Variants in CENPE observed in about 807,000 individuals in gnomAD.
The protein encoded by CENPE is centromere protein E.
CENPE carries 145 observed loss-of-function variants against 336.1 expected under a neutral mutation model. That is an observed-to-expected ratio of 0.43 (90% CI 0.38 to 0.50). CENPE has a LOEUF of 0.50. CENPE is among the 20% of genes least tolerant of loss of function. The pLI is 0.00. For synonymous variants in CENPE, 1,013 were observed against 984.8 expected (o/e 1.03, Z -0.54); for missense variants, 2,719 against 3,023.3 (o/e 0.90, Z 2.36).
chr4:103,185,880 T>C lies in CENPE; in HGVS notation c.694-19A>G. On this transcript the variant is annotated intron_variant, in intron 8 of 48. Coordinates refer to ENST00000265148, the MANE Select transcript of CENPE (RefSeq NM_001813.3). Reference sequence around the variant, plus strand: ...CCAAATTCTGTAAGATAGATAAAAATAAATCCTTAGGGCAGATAATTTGAA... The same window carrying C: ...CCAAATTCTGTAAGATAGATAAAAACAAATCCTTAGGGCAGATAATTTGAA... 6.3e-7 allele frequency: 1 copy of C among 1,577,262 alleles called. No individual in the cohort carries two copies. Among genetic ancestry groups the C allele is most frequent in the Non-Finnish European group, 8.7e-7 (1 of 1,151,168 alleles).
rs750176439 is a variant in CENPE at position 103,145,794 on chromosome 4, T to C, written c.4413+35A>G. On this transcript the variant is annotated intron_variant, in intron 30 of 48. Coordinates refer to ENST00000265148, the MANE Select transcript of CENPE (RefSeq NM_001813.3). ...TTTATAATAATATTTGGTTACAAAATATTTTTTAAAAACATGGTGAAAGAT... is the reference window on the plus strand; with the variant it reads ...TTTATAATAATATTTGGTTACAAAACATTTTTTAAAAACATGGTGAAAGAT... 1.3e-5 allele frequency: 20 copies of C among 1,556,194 alleles called. No individual in the cohort carries two copies. In the South Asian group the frequency reaches 2.1e-4, roughly 16 times the overall value.
At chr4:103,115,553 C>CA (rs903492661) in intron 45 of CENPE, among the ~76,000 whole-genome samples, 46 of 152,126 alleles carry the variant, frequency 3.0e-4, no homozygotes, top group African/African-American at 1.1e-3. Flanking sequence ...ACTTCCTGGG[C>CA]AAAATAAGAG....
At chr4:103,119,688 G>A (rs921520432) in intron 44 of CENPE, among the ~76,000 whole-genome samples, 1 of 152,152 alleles carries the variant, frequency 6.6e-6, no homozygotes, top group Non-Finnish European at 1.5e-5. Flanking sequence ...AGTGATTAAT[G>A]AGTGTGTGAT....
chr4:103,148,328 C>T (rs549023562), intron 28 of CENPE, among the ~76,000 whole-genome samples: 24 of 152,284 alleles, frequency 1.6e-4, no homozygotes, highest in African/African-American at 5.8e-4. Flanking sequence ...GGCTCCAATG[C>T]TATGTCTCAA....
intron 9 of CENPE, 67 bp downstream of exon 9, chr4:103,185,743 G>T: frequency 2.1e-6 from 2 of 964,568 alleles, no homozygotes; most frequent in Non-Finnish European, 3.1e-6. Context: ...AAAATGCCTG[G>T]TAGTACTTTT....
intron 25 of CENPE, among the ~76,000 whole-genome samples, chr4:103,152,718 G>A (rs926958372): frequency 6.6e-6 from 1 of 152,222 alleles, no homozygotes; most frequent in African/African-American, 2.4e-5. Context: ...AAACATAAGA[G>A]ACTACATACT....
chr4:103,194,768 AT>A, intron 5 of CENPE, 84 bp from the exon 6 acceptor site: 1 of 1,003,962 alleles, frequency 1.0e-6, no homozygotes, highest in Non-Finnish European at 1.4e-6. Context: ...CTATTATAGA[AT>A]TCATTTGTGA....
intron 42 of CENPE, among the ~76,000 whole-genome samples, chr4:103,124,347 A>C (rs1031876812): frequency 2.6e-5 from 4 of 152,220 alleles, no homozygotes; most frequent in African/African-American, 9.6e-5. Flanking sequence ...GGATGATGAC[A>C]ATAAAATGAA....
At chr4:103,169,308 T>C (rs2125993159) in intron 16 of CENPE, among the ~76,000 whole-genome samples, 1 of 148,682 alleles carries the variant, frequency 6.7e-6, no homozygotes, top group South Asian at 2.1e-4. Context: ...AAAGCAAATA[T>C]TTGGGTCACT....
intron 48 of CENPE, among the ~76,000 whole-genome samples, chr4:103,107,451 C>T (rs749720103): frequency 1.3e-5 from 2 of 152,158 alleles, no homozygotes; most frequent in Non-Finnish European, 2.9e-5. Flanking sequence ...AATGATTTGG[C>T]AACTGCCTTT....
At chr4:103,146,178 T>C in intron 29 of CENPE, 71 bp from the exon 30 acceptor site, 1 of 1,414,916 alleles carries the variant, frequency 7.1e-7, no homozygotes, top group Non-Finnish European at 9.6e-7. Context: ...TAAATCAGGA[T>C]GCTTTCTAAA....
intron 16 of CENPE, among the ~76,000 whole-genome samples, chr4:103,172,786 A>G (rs139611371): frequency 2.0e-5 from 3 of 152,106 alleles, no homozygotes; most frequent in African/African-American, 7.2e-5. Flanking sequence ...TAGTATCTCT[A>G]TATGTTAATG....
At chr4:103,138,534 T>G (rs1158015457) in intron 38 of CENPE, 85 bp from the exon 39 acceptor site, 1 of 841,452 alleles carries the variant, frequency 1.2e-6, no homozygotes, top group Non-Finnish European at 2.0e-6. Flanking sequence ...CTAAATTACA[T>G]GACATTTCAA....
At chr4:103,146,599 G>A (rs770290948) in intron 29 of CENPE, among the ~76,000 whole-genome samples, 5 of 152,218 alleles carry the variant, frequency 3.3e-5, no homozygotes, top group African/African-American at 1.2e-4. Context: ...CTGCGGAAGA[G>A]AGTTGCTGGA....
intron 42 of CENPE, among the ~76,000 whole-genome samples, chr4:103,124,312 T>C (rs1750905555): frequency 6.6e-6 from 1 of 152,218 alleles, no homozygotes; most frequent in Non-Finnish European, 1.5e-5. Flanking sequence ...TTGCATCAGT[T>C]TCTGAAATTT....
chr4:103,194,593 A>C lies in CENPE; in HGVS notation c.559+10T>G, dbSNP rs1251994538. On this transcript the variant is annotated intron_variant, in intron 6 of 48. Transcript: ENST00000265148. ...CAAGTGTTCTAAAGAAATACAGCAT[A>C]AAGTCTTACTTTCTCCCTTTGTAAT... 6.9e-6 allele frequency: 11 copies of C among 1,594,640 alleles called. 1 individual carries two copies.
At chr4:103,115,178 G>A (rs745529998) in intron 45 of CENPE, among the ~76,000 whole-genome samples, 2 of 151,020 alleles carry the variant, frequency 1.3e-5, no homozygotes, top group Admixed American at 6.6e-5. Flanking sequence ...TTGTCCCCCA[G>A]GCTGGAGTGC....
chr4:103,109,229 T>A, intron 47 of CENPE, 140 bp from the exon 48 acceptor site: 1 of 714,632 alleles, frequency 1.4e-6, no homozygotes, highest in Non-Finnish European at 2.1e-6. Flanking sequence ...ATTTACATTT[T>A]AATTTCAACC....
chr4:103,147,211 G>T (rs900717868), intron 29 of CENPE, 145 bp downstream of exon 29: 6 of 630,688 alleles, frequency 9.5e-6, no homozygotes, highest in South Asian at 2.8e-5. Context: ...ATTTTTAATT[G>T]TTCTGTTTCT....
Sources: gnomAD v4.1 joint callset for allele counts (sites outside exome capture counted in the v4.1 genomes callset) on GRCh38, gnomAD v4.1.1 for gene constraint, MANE v1.5 for transcripts, NCBI Gene and HGNC (gene_info 2026-07-23, HGNC 2026-07-21) for gene names.